The following MYH10 variants were observed in gnomAD, a reference collection of about 807,000 sequenced individuals.
The protein encoded by MYH10 is myosin-10.
In MYH10, 55 loss-of-function variants were observed where a neutral mutation model predicts 257.8. The ratio of observed to expected loss-of-function variants is 0.21; its 90% CI spans 0.17 to 0.27. The LOEUF (loss-of-function observed/expected upper bound fraction) is 0.27, where lower values mean the gene tolerates loss of function less well. MYH10 is among the 10% of genes least tolerant of loss of function. The pLI is 1.00. For missense variants in MYH10, 1,631 were observed against 2,500.6 expected (o/e 0.65, Z 7.42); for synonymous variants, 854 against 921.7 (o/e 0.93, Z 1.33).
chr17:8,542,858 G>C (rs1210219165), intron 13 of MYH10, among the ~76,000 whole-genome samples: 1 of 152,176 alleles, frequency 6.6e-6, no homozygotes, highest in Non-Finnish European at 1.5e-5. Flanking sequence ...AATGCGCTTA[G>C]TATGAGACTC....
intron 35 of MYH10, among the ~76,000 whole-genome samples, chr17:8,489,705 A>AC (rs1267101628): frequency 1.2e-4 from 8 of 66,306 alleles, no homozygotes; most frequent in Admixed American, 5.7e-4. Context: ...CTCCGTCTGA[A>AC]AAAACACACA....
chr17:8,517,890 C>A (rs565306307), intron 21 of MYH10, among the ~76,000 whole-genome samples: 23 of 152,324 alleles, frequency 1.5e-4, no homozygotes, highest in African/African-American at 5.5e-4. Flanking sequence ...TGCCAGGATG[C>A]TGCTGTAGTT....
At chr17:8,476,143 C>T (rs570796413) in intron 42 of MYH10, among the ~76,000 whole-genome samples, 195 bp from the exon 43 acceptor site, 3 of 152,194 alleles carry the variant, frequency 2.0e-5, no homozygotes, top group South Asian at 2.1e-4. Flanking sequence ...CTGCAGAGTA[C>T]GCGAAGCAGG....
At chr17:8,498,034 T>G (rs1437799121) in intron 30 of MYH10, among the ~76,000 whole-genome samples, 1 of 131,904 alleles carries the variant, frequency 7.6e-6, no homozygotes, top group Non-Finnish European at 1.5e-5. Flanking sequence ...CAGGCTGGAG[T>G]GCAGTGGCGT....
chr17:8,510,367 T>C (rs1178124512), intron 24 of MYH10, among the ~76,000 whole-genome samples: 1 of 152,158 alleles, frequency 6.6e-6, no homozygotes, highest in African/African-American at 2.4e-5. Context: ...TTATGTGAAA[T>C]AGACATTTGT....
chr17:8,546,897 C>G (rs1321820697), intron 11 of MYH10, among the ~76,000 whole-genome samples: 1 of 152,102 alleles, frequency 6.6e-6, no homozygotes, highest in Non-Finnish European at 1.5e-5. Context: ...ACTGCCTTGC[C>G]TATTTATTCA....
Position 8,476,007 on chromosome 17 carries a change from A to G in MYH10, c.5880-59T>C, listed in dbSNP as rs532427939. 340 of 1,560,786 alleles carry G rather than the reference A, an allele frequency of 2.2e-4. 4 individuals are homozygous for G. In the South Asian group the frequency reaches 3.4e-3, roughly 15 times the overall value. ...AACAGACAGGAGCACATGGCTGTCA[A>G]TATGTTCAACCACTCAATGCCACGG... On this transcript the variant is annotated intron_variant, in intron 42 of 42. Coordinates refer to ENST00000360416, the MANE Select transcript of MYH10 (RefSeq NM_001256012.3).
intron 31 of MYH10, among the ~76,000 whole-genome samples, chr17:8,494,692 C>T (rs1348560806): frequency 6.6e-6 from 1 of 152,210 alleles, no homozygotes; most frequent in Admixed American, 6.5e-5. Context: ...TAAAAACATC[C>T]CTAACGGATG....
chr17:8,573,725 A>G (rs1295098053), intron 6 of MYH10: 13 of 564,086 alleles, frequency 2.3e-5, no homozygotes, highest in Non-Finnish European at 2.7e-5. Context: ...TATAAAAAGT[A>G]CACCAAAAGT....
intron 3 of MYH10, among the ~76,000 whole-genome samples, chr17:8,599,285 A>G (rs1448974873): frequency 6.6e-6 from 1 of 152,192 alleles, no homozygotes; most frequent in Non-Finnish European, 1.5e-5. Flanking sequence ...GCTTGCATAC[A>G]TACATTTTTC....
intron 4 of MYH10, among the ~76,000 whole-genome samples, chr17:8,582,898 A>AG (rs2083762472): frequency 6.6e-6 from 1 of 152,216 alleles, no homozygotes; most frequent in Non-Finnish European, 1.5e-5. Context: ...GCCTAGCTTC[A>AG]AAAATCACCC....
At chr17:8,480,698 C>A in intron 38 of MYH10, 173 bp from the exon 39 acceptor site, 1 of 804,502 alleles carries the variant, frequency 1.2e-6, no homozygotes, top group Admixed American at 2.1e-5. Flanking sequence ...GATGACACTT[C>A]CAAACACCCT....
In MYH10 at chr17:8,533,968, T is replaced by TC. The variant is rs559045381; in HGVS notation, c.1894+1418dup. Among the ~76,000 whole-genome samples, 35 of 152,248 alleles carry TC rather than the reference T, an allele frequency of 2.3e-4. 3 individuals carry two copies. The East Asian group carries it at 6.6e-3, about 29-fold the overall frequency. On this transcript the variant is annotated intron_variant, in intron 16 of 42. Transcript: ENST00000360416. ...TCCTCCCTCTTCTTCCTCACATATT[T>TC]CCCATCCACATTTCCAACTCACCAG...
At chr17:8,499,551 T>C in intron 29 of MYH10, 75 bp from the exon 30 acceptor site, 2 of 1,321,054 alleles carry the variant, frequency 1.5e-6, no homozygotes, top group Middle Eastern at 2.0e-4. Flanking sequence ...TTTTTGAGTC[T>C]GCAGAATTGT....
intron 13 of MYH10, among the ~76,000 whole-genome samples, chr17:8,544,824 T>C (rs7211974): frequency 0.96 from 146,865 of 152,290 alleles, 71,051 homozygotes; most frequent in East Asian, 1. Flanking sequence ...AGTATTTGGA[T>C]AAATCTAGTC....
At chr17:8,499,597 T>C (rs1917200405) in intron 29 of MYH10, 121 bp from the exon 30 acceptor site, 1 of 800,222 alleles carries the variant, frequency 1.2e-6, no homozygotes, top group East Asian at 2.6e-5. Flanking sequence ...CAACATCTGT[T>C]GAATGAATGA....
In MYH10 at chr17:8,520,955, A is replaced by G; in HGVS notation, c.2196T>C (p.Cys732=). Residue 732 remains cysteine, a synonymous_variant, in exon 19 of 43, where the codon TGT becomes TGC. Transcript: ENST00000360416. ...DPHLVLDQLR[C]NGVLEGIRIC... ...TTCGGATCCCTTCCAGGACACCGTT[A>G]CAGCGAAGCTGATCTAGGACTAGGT... 1 of 1,613,726 alleles carries G rather than the reference A, an allele frequency of 6.2e-7. No homozygotes were observed. Among genetic ancestry groups the G allele is most frequent in the African/African-American group, 1.3e-5 (1 of 75,056 alleles).
chr17:8,629,172 ATAC>A (rs1456421419), intron 1 of MYH10, among the ~76,000 whole-genome samples: 5 of 152,238 alleles, frequency 3.3e-5, no homozygotes, highest in African/African-American at 1.2e-4. Flanking sequence ...CCAGAGTGAG[ATAC>A]TATCAAGAAT....
chr17:8,542,249 T>A lies in MYH10; in HGVS notation c.1463A>T (p.Tyr488Phe). 1 of 1,614,074 alleles carries A rather than the reference T, an allele frequency of 6.2e-7. No homozygotes were observed. The highest frequency in any genetic ancestry group is 8.5e-7 in the Non-Finnish European group (1 of 1,179,998). ...LNSFEQLCIN[Y>F]TNEKLQQLFN... ...CAGCTGCTGCAGCTTCTCATTGGTG[T>A]AGTTGATGCAAAGTTGTTCAAAGGA... The change falls in exon 14 of 43, where the codon TAC becomes TTC. Residue 488 changes from tyrosine (Y) to phenylalanine (F), a missense_variant. Tyr to Phe is a conservative substitution (Grantham distance 22, BLOSUM62 3). Coordinates refer to ENST00000360416, the MANE Select transcript of MYH10 (RefSeq NM_001256012.3).
Sources: gnomAD v4.1 joint callset for allele counts (sites outside exome capture counted in the v4.1 genomes callset) on GRCh38, gnomAD v4.1.1 for gene constraint, MANE v1.5 for transcripts, NCBI Gene and HGNC (gene_info 2026-07-23, HGNC 2026-07-21) for gene names.